Variants in LILRB4 observed in about 807,000 individuals in gnomAD.
The protein encoded by LILRB4 is leukocyte immunoglobulin like receptor B4, also known as leukocyte immunoglobulin-like receptor subfamily B member 4.
In LILRB4, 49 loss-of-function variants were observed where a neutral mutation model predicts 55.2. The observed-to-expected ratio is 0.89, with a 90% confidence interval of 0.71 to 1.13. LILRB4 has a LOEUF of 1.13. Among genes scored for constraint, LILRB4 ranks in the 50% most tolerant of loss-of-function variants. The pLI, the probability that LILRB4 is intolerant of heterozygous loss-of-function variation, is 0.00. For missense variants in LILRB4, 590 were observed against 555.2 expected, an observed-to-expected ratio of 1.06 and a Z score of -0.63; for synonymous variants, 229 against 213.8, an observed-to-expected ratio of 1.07 and a Z score of -0.62.
chr19:54,663,272 C>A (rs966421605), intron 1 of LILRB4, among the ~76,000 whole-genome samples: 7 of 151,946 alleles, frequency 4.6e-5, no homozygotes, highest in African/African-American at 7.2e-5. Context: ...CGGTGAAACC[C>A]TGTCTCTACT....
At position 54,666,521 on chromosome 19, in the gene LILRB4, A is replaced by T. The variant is rs181815893; in HGVS notation, c.988+85A>T. 3.2e-5 allele frequency: 49 copies of T among 1,529,630 alleles called. No individual in the cohort carries two copies. In the East Asian group the frequency reaches 1.1e-3, roughly 33 times the overall value. The allele number at this position is 1,529,630 out of a possible 1,614,324, so 94.8% of individuals were successfully genotyped here. A position where few individuals can be genotyped will look rare whatever the true frequency, so the allele number is the denominator to read the frequency against. On this transcript the variant is annotated intron_variant, in intron 9 of 11. Transcript: ENST00000430952. This position sits in a 1 kb window ranked among gnomAD's most constrained non-coding sequence, Gnocchi z 4.8. ...AGCAATGGGGGCAGGAGCACAGGCT[A>T]GGATTGGTCAGGGACTCAGGGAGAA... is the stretch of plus-strand genomic sequence containing the variant.
Position 54,665,675 on chromosome 19 carries a change from A to G in LILRB4, c.758-140A>G. The G allele has an allele frequency of 9.6e-7, 1 of 1,038,684 alleles. No individual in the cohort carries two copies. The highest frequency in any genetic ancestry group is 2.0e-5 in the Admixed American group (1 of 49,918). 64.3% of individuals were successfully genotyped at this position (1,038,684 alleles called of 1,614,324 possible). A position where few individuals can be genotyped will look rare whatever the true frequency, so the allele number is the denominator to read the frequency against. ...GTGCATCTGTGAAATGGGTGGAGAG[A>G]GGGTGGCAATCTCAGGTTGCACAAC... On this transcript the variant is annotated intron_variant, in intron 6 of 11. Coordinates refer to ENST00000430952, the Ensembl canonical transcript of LILRB4. This position sits in a 1 kb window ranked among gnomAD's most constrained non-coding sequence, Gnocchi z 5.5.
chr19:54,668,163 C>A, exon 12 of LILRB4: 2 of 866,992 alleles, frequency 2.3e-6, no homozygotes, highest in Non-Finnish European at 1.8e-6. Context: ...CGTTGGGAGT[C>A]ACCTGATTCT....
intron 4 of LILRB4, 123 bp downstream of exon 4, chr19:54,664,608 G>A: frequency 8.6e-7 from 1 of 1,161,138 alleles, no homozygotes; most frequent in Non-Finnish European, 1.2e-6. Context: ...GCCCTCAGAG[G>A]GGAGGAGGAC....
Position 54,666,154 on chromosome 19 carries a change from T to G in LILRB4, c.875-86T>G, listed in dbSNP as rs2065251286. 3 of 1,373,708 alleles carry G rather than the reference T, an allele frequency of 2.2e-6. No homozygotes were observed. Among genetic ancestry groups the G allele is most frequent in the Non-Finnish European group, 3.0e-6 (3 of 1,002,714 alleles). The allele number at this position is 1,373,708 out of a possible 1,614,324, so 85.1% of individuals were successfully genotyped here. On this transcript the variant is annotated intron_variant, in intron 7 of 11. Transcript: ENST00000430952. This position sits in a 1 kb window ranked among gnomAD's most constrained non-coding sequence, Gnocchi z 4.8. ...TTAAAACATCCTTGCAAGTGTATTT[T>G]CAGGTTTCCTTTCCTCTTGACTTGC...
rs532643436 is a variant in LILRB4 at position 54,666,705 on chromosome 19, G to A, written c.997G>A (p.Val333Met). The A allele has an allele frequency of 6.1e-5, 99 of 1,614,168 alleles. No individual in the cohort carries two copies. Among genetic ancestry groups the A allele is most frequent in the South Asian group, 4.6e-4 (42 of 91,084 alleles). ...TTGCTCTACCCCAGCAGGTGCTGCC[G>A]TGAAGAACACACAGCCTGAGGACGG... Residue 333 changes from valine (V) to methionine (M), a missense_variant, in exon 10 of 12, where the codon GTG (valine) becomes ATG (methionine). Transcript: ENST00000430952. This position sits in a 1 kb window ranked among gnomAD's most constrained non-coding sequence, Gnocchi z 4.8.
rs765975237 is a variant in LILRB4, at chr19:54,663,761, C to T, written c.78C>T (p.Leu26=). 15 of 1,613,954 alleles carry T rather than the reference C, an allele frequency of 9.3e-6. No homozygotes were observed. In the South Asian group the frequency reaches 1.5e-4, roughly 17 times the overall value. Residue 26 remains leucine, a synonymous_variant, in exon 3 of 12, where the codon CTC becomes CTT. Transcript: ENST00000430952. The stretch of plus-strand genomic sequence containing the variant: ...CCTCTGATTTTCTTCCAGGGCCCCT[C>T]CCCAAACCCACCCTCTGGGCTGAGC...
exon 11 of LILRB4, chr19:54,667,702 G>C (rs1259478453): frequency 3.1e-6 from 5 of 1,610,940 alleles, no homozygotes; most frequent in Non-Finnish European, 4.2e-6. Context: ...AGACCTAGGA[G>C]AGAAATGGCC....
chr19:54,666,457 G>T lies in LILRB4; in HGVS notation c.988+21G>T, dbSNP rs550973175. ...CTTCTGTGAGTGAGAGGCAGAGAAG[G>T]TGCACCTGGGGTGGAGCTGGGGGTC... On this transcript the variant is annotated intron_variant, in intron 9 of 11. Coordinates refer to ENST00000430952, the Ensembl canonical transcript of LILRB4. The surrounding 1 kb of genome is among the most constrained non-coding windows in gnomAD (Gnocchi z 4.8). 3 of 1,613,900 alleles carry T rather than the reference G, an allele frequency of 1.9e-6. No individual in the cohort carries two copies. The highest frequency in any genetic ancestry group is 2.2e-5 in the South Asian group (2 of 91,060).
chr19:54,664,744 G>A, intron 4 of LILRB4, 55 bp from the exon 5 acceptor site: 1 of 1,362,926 alleles, frequency 7.3e-7, no homozygotes. Flanking sequence ...TCAATTTGAT[G>A]TGGAGACCCA....
At position 54,664,827 on chromosome 19, in the gene LILRB4, C is replaced by A. The variant is rs749254351; in HGVS notation, c.684C>A (p.Pro228=). The A allele has an allele frequency of 3.7e-6, 6 of 1,609,536 alleles. No homozygotes were observed. The Admixed American group carries it at 5.0e-5, about 13-fold the overall frequency. The change falls in exon 5 of 12, where the codon CCC becomes CCA. Residue 228 remains proline (P), a synonymous_variant. Coordinates refer to ENST00000430952, the Ensembl canonical transcript of LILRB4. ...CCTTGGAGGGTCCCAGGCCCTCACC[C>A]ACAAGGTCCGTCTCAACAGCTGGTG...
exon 4 of LILRB4, chr19:54,664,270 G>A (rs766142180): frequency 2.6e-5 from 42 of 1,613,976 alleles, no homozygotes; most frequent in Admixed American, 2.3e-4. Flanking sequence ...TGTCAGTCAC[G>A]GAGCCCAATG....
chr19:54,663,701 G>A, intron 2 of LILRB4, 53 bp from the exon 3 acceptor site: 1 of 1,609,600 alleles, frequency 6.2e-7, no homozygotes, highest in East Asian at 2.2e-5. Flanking sequence ...GCTGAGAGCT[G>A]GGATCTGAGG....
exon 3 of LILRB4, chr19:54,663,849 C>T (rs149172339): frequency 3.1e-6 from 5 of 1,613,994 alleles, no homozygotes; most frequent in African/African-American, 2.7e-5. Flanking sequence ...CCTGGAGGCT[C>T]GGGAGTACCG....
intron 1 of LILRB4, 99 bp downstream of exon 1, chr19:54,663,166 G>A (rs989592356): frequency 1.4e-6 from 2 of 1,402,772 alleles, no homozygotes; most frequent in East Asian, 2.3e-5. Flanking sequence ...TCTCAGGGTA[G>A]CCGGGCGCGG....
In LILRB4 at chr19:54,667,324, G is replaced by A. The variant is rs535604865; in HGVS notation, c.1042-314G>A. On this transcript the variant is annotated intron_variant, in intron 10 of 11. Transcript: ENST00000430952. The stretch of plus-strand genomic sequence containing the variant: ...CAGCTGTCATCTGAGAAGCCTGGAC[G>A]GAGAGGGCCACGTGATCCTCTAATG... 898 of 597,884 alleles carry A rather than the reference G, an allele frequency of 1.5e-3. 3 individuals carry two copies. The highest frequency in any genetic ancestry group is 5.7e-3 in the South Asian group (302 of 53,324). 37.0% of individuals were successfully genotyped at this position (597,884 alleles called of 1,614,324 possible). A position where few individuals can be genotyped will look rare whatever the true frequency, so the allele number is the denominator to read the frequency against.
In LILRB4 at chr19:54,665,960, C is replaced by G. The variant is rs1420027366; in HGVS notation, c.874+29C>G. ...AGTAGGAAATTGGGGGACCCGTGGGCTGATGGAGGGTGGGCTCAGGGCACC... is the reference window on the plus strand; with the variant it reads ...AGTAGGAAATTGGGGGACCCGTGGGGTGATGGAGGGTGGGCTCAGGGCACC... On this transcript the variant is annotated intron_variant, in intron 7 of 11. Transcript: ENST00000430952. The surrounding 1 kb of genome is among the most constrained non-coding windows in gnomAD (Gnocchi z 5.5). The G allele has an allele frequency of 6.2e-6, 10 of 1,613,276 alleles. No individual in the cohort carries two copies. Among genetic ancestry groups the G allele is most frequent in the Non-Finnish European group, 8.5e-6 (10 of 1,179,654 alleles).
In LILRB4 at chr19:54,665,925, A is replaced by T. The variant is rs752851741; in HGVS notation, c.868A>T (p.Thr290Ser). Residue 290 changes from threonine to serine, a missense_variant, in exon 7 of 12, where the codon ACA becomes TCA. Physicochemically the swap from Thr to Ser is moderately conservative, Grantham distance 58. Coordinates refer to ENST00000430952, the Ensembl canonical transcript of LILRB4. The surrounding 1 kb of genome is among the most constrained non-coding windows in gnomAD (Gnocchi z 5.5). ...ACACTGGCGTCAGGGAAAACACAGG[A>T]CATTGGGTAAGTAGGAAATTGGGGG... 6.2e-7 allele frequency: 1 copy of T among 1,613,776 alleles called. No individual in the cohort carries two copies. Among genetic ancestry groups the T allele is most frequent in the Admixed American group, 1.7e-5 (1 of 60,006 alleles).
At position 54,666,006 on chromosome 19, in the gene LILRB4, G is replaced by C; in HGVS notation, c.874+75G>C. Reference sequence around the variant, plus strand: ...GCACCAGCCAAAGGGACTCCAGATAGGAGAGGTCATCTTAGAAACTCTGCT... The same window carrying C: ...GCACCAGCCAAAGGGACTCCAGATACGAGAGGTCATCTTAGAAACTCTGCT... On this transcript the variant is annotated intron_variant, in intron 7 of 11. Transcript: ENST00000430952. The surrounding 1 kb of genome is among the most constrained non-coding windows in gnomAD (Gnocchi z 4.8). 1 of 1,567,056 alleles carries C rather than the reference G, an allele frequency of 6.4e-7. No homozygotes were observed. The highest frequency in any genetic ancestry group is 1.1e-5 in the South Asian group (1 of 88,066).
Sources: allele counts gnomAD v4.1 joint callset (sites outside exome capture counted in the v4.1 genomes callset), GRCh38; gene constraint gnomAD v4.1.1; non-coding constraint Gnocchi (gnomAD v3.1); transcripts MANE v1.5; gene names NCBI Gene and HGNC (gene_info 2026-07-23, HGNC 2026-07-21).